Variants in ADAMTS17 observed in about 807,000 individuals in gnomAD.
ADAMTS17 encodes the protein ADAM metallopeptidase with thrombospondin type 1 motif 17.
Under a neutral mutation model 141.5 loss-of-function variants are expected in ADAMTS17, and 113 were observed. The ratio of observed to expected loss-of-function variants is 0.80; its 90% CI spans 0.69 to 0.93. The LOEUF (loss-of-function observed/expected upper bound fraction) is 0.93, where lower values mean the gene tolerates loss of function less well. Ranked by LOEUF, ADAMTS17 falls within the 40% of genes least tolerant of loss-of-function variation. The pLI is 0.00. For missense variants in ADAMTS17, 1,659 were observed against 1,517.9 expected (o/e 1.09, Z -1.54); for synonymous variants, 768 against 630.6 (o/e 1.22, Z -3.27).
At chr15:100,132,788 C>A (rs1366845999) in intron 11 of ADAMTS17, among the ~76,000 whole-genome samples, 5 of 152,182 alleles carry the variant, frequency 3.3e-5, no homozygotes, top group African/African-American at 1.2e-4. Context: ...CCCTTCTCTC[C>A]AACACCTCCC....
rs752118458 is a variant in ADAMTS17, at chr15:99,993,394, G to C, written c.2797-194C>G. On this transcript the variant is annotated intron_variant, in intron 19 of 21. Coordinates refer to ENST00000268070, the MANE Select transcript of ADAMTS17 (RefSeq NM_139057.4). This position sits in a 1 kb window ranked among gnomAD's most constrained non-coding sequence, Gnocchi z 4.3. ...TCCCAGCTGGGGCCCCAGCCGAGTG[G>C]CCAGTGTTGTGGAAGGGACCTAGGA... 2.6e-5 allele frequency among the ~76,000 whole-genome samples: 4 copies of C among 152,210 alleles called. No individual in the cohort carries two copies. Among genetic ancestry groups the C allele is most frequent in the Non-Finnish European group, 4.4e-5 (3 of 68,040 alleles).
chr15:100,305,458 TG>T (rs1308023008), intron 3 of ADAMTS17, among the ~76,000 whole-genome samples: 2 of 152,220 alleles, frequency 1.3e-5, no homozygotes, highest in African/African-American at 4.8e-5. Context: ...ACAAGAGCGC[TG>T]GCAAAAGCCA....
intron 7 of ADAMTS17, among the ~76,000 whole-genome samples, chr15:100,226,372 G>T (rs531542534): frequency 2.0e-5 from 3 of 152,274 alleles, no homozygotes; most frequent in South Asian, 2.1e-4. Context: ...GGGGGAAAAG[G>T]AGGCTTGGCC....
chr15:100,259,288 C>T (rs2043435929), intron 6 of ADAMTS17, among the ~76,000 whole-genome samples: 1 of 152,250 alleles, frequency 6.6e-6, no homozygotes. Flanking sequence ...CCCAAGGACT[C>T]TTGCTTGCTC....
chr15:100,090,871 G>T, intron 15 of ADAMTS17, among the ~76,000 whole-genome samples: 1 of 151,920 alleles, frequency 6.6e-6, no homozygotes, highest in East Asian at 1.9e-4. Flanking sequence ...AGCCAGGTTT[G>T]GTGGTGCATG....
chr15:100,253,579 G>A (rs1432326834), intron 7 of ADAMTS17, among the ~76,000 whole-genome samples: 4 of 150,396 alleles, frequency 2.7e-5, no homozygotes, highest in Non-Finnish European at 5.9e-5. Context: ...AGGAGGGGAC[G>A]GTGAAGAAGG....
At chr15:100,133,642 G>A (rs1596521609) in intron 10 of ADAMTS17, among the ~76,000 whole-genome samples, 2 of 152,142 alleles carry the variant, frequency 1.3e-5, no homozygotes, top group Admixed American at 1.3e-4. Flanking sequence ...CAGGAGTGAT[G>A]AGCAAACAGA....
chr15:100,171,919 G>C (rs1004362440), intron 8 of ADAMTS17, among the ~76,000 whole-genome samples: 1 of 152,204 alleles, frequency 6.6e-6, no homozygotes, highest in African/African-American at 2.4e-5. Flanking sequence ...GTGGCTGGGA[G>C]TGCCTGAGAG....
At chr15:100,197,673 G>A (rs770257789) in intron 8 of ADAMTS17, among the ~76,000 whole-genome samples, 1 of 152,108 alleles carries the variant, frequency 6.6e-6, no homozygotes, top group Non-Finnish European at 1.5e-5. Flanking sequence ...AGTATCATGG[G>A]ATTTCCTCCC....
chr15:100,330,072 T>C (rs1189522754), intron 3 of ADAMTS17, among the ~76,000 whole-genome samples: 1 of 152,158 alleles, frequency 6.6e-6, no homozygotes, highest in African/African-American at 2.4e-5. Flanking sequence ...GTGCTCCAAC[T>C]TCATCTGGGG....
intron 15 of ADAMTS17, among the ~76,000 whole-genome samples, chr15:100,086,680 A>C (rs552540728): frequency 9.2e-5 from 14 of 151,986 alleles, no homozygotes; most frequent in East Asian, 1.9e-4. Context: ...ACTCAGGATT[A>C]AGAAACTCAC....
intron 8 of ADAMTS17, 148 bp from the exon 9 acceptor site, chr15:100,155,468 G>C: frequency 4.5e-6 from 5 of 1,120,754 alleles, no homozygotes; most frequent in Non-Finnish European, 6.5e-6. Context: ...CAGACCCACA[G>C]TCATGTGTTT....
At chr15:100,283,243 G>A (rs576244120) in intron 3 of ADAMTS17, among the ~76,000 whole-genome samples, 1 of 152,112 alleles carries the variant, frequency 6.6e-6, no homozygotes, top group Admixed American at 6.6e-5. Context: ...GAAGCCTTCC[G>A]GGCCTCAGTG....
Position 100,280,572 on chromosome 15 carries a change from C to A in ADAMTS17, c.789+657G>T, listed in dbSNP as rs557133259. Among the ~76,000 whole-genome samples the A allele has an allele frequency of 1.3e-3, 197 of 152,302 alleles. 1 individual carries two copies. Among genetic ancestry groups the A allele is most frequent in the Admixed American group, 4.8e-3 (73 of 15,310 alleles). On this transcript the variant is annotated intron_variant, in intron 4 of 21. Coordinates refer to ENST00000268070, the MANE Select transcript of ADAMTS17 (RefSeq NM_139057.4). ...CTCCTCAAGATGCCTGGCCCGCCCT[C>A]CCTCACCAGGCCCTGTCCACAACTT...
At chr15:100,007,827 C>T (rs1049886595) in intron 18 of ADAMTS17, among the ~76,000 whole-genome samples, 1 of 152,032 alleles carries the variant, frequency 6.6e-6, no homozygotes, top group Non-Finnish European at 1.5e-5. Context: ...GCTGGAAAGT[C>T]ATGAGCAAAG....
intron 18 of ADAMTS17, among the ~76,000 whole-genome samples, chr15:100,009,024 G>A (rs1183477442): frequency 6.6e-6 from 1 of 152,138 alleles, no homozygotes; most frequent in African/African-American, 2.4e-5. Context: ...ATTTTCTGTA[G>A]AGACAAGGTC....
chr15:100,092,856 G>C (rs1046620541), intron 15 of ADAMTS17, among the ~76,000 whole-genome samples: 10 of 152,200 alleles, frequency 6.6e-5, no homozygotes, highest in African/African-American at 2.4e-4. Flanking sequence ...GGTGTGTCCT[G>C]GCTGTCCATG....
Position 100,097,464 on chromosome 15 carries a change from G to A in ADAMTS17, c.2017-988C>T, listed in dbSNP as rs147492637. On this transcript the variant is annotated intron_variant, in intron 14 of 21. Coordinates refer to ENST00000268070, the MANE Select transcript of ADAMTS17 (RefSeq NM_139057.4). The stretch of plus-strand genomic sequence containing the variant: ...TGATGCCTGGACGAGAAGCAGCACC[G>A]TGCTTCCCCCTCACAGGTACTCCCA... Among the ~76,000 whole-genome samples the A allele has an allele frequency of 4.6e-5, 7 of 152,320 alleles. No homozygotes were observed. The East Asian group carries it at 1.2e-3, about 25-fold the overall frequency.
At chr15:100,106,876 G>A (rs1290320328) in intron 14 of ADAMTS17, among the ~76,000 whole-genome samples, 1 of 152,162 alleles carries the variant, frequency 6.6e-6, no homozygotes, top group Admixed American at 6.5e-5. Context: ...ACTGCCCGAC[G>A]GGCAGGGCCT....
Sources: allele counts gnomAD v4.1 joint callset (sites outside exome capture counted in the v4.1 genomes callset), GRCh38; gene constraint gnomAD v4.1.1; non-coding constraint Gnocchi (gnomAD v3.1); transcripts MANE v1.5; gene names NCBI Gene and HGNC (gene_info 2026-07-23, HGNC 2026-07-21).